The following ZFYVE9 variants were observed in gnomAD, a reference collection of about 807,000 sequenced individuals.
The protein encoded by ZFYVE9 is zinc finger FYVE domain-containing protein 9.
A neutral mutation model predicts 126.7 loss-of-function variants in ZFYVE9; 43 were observed. The observed-to-expected ratio is 0.34, with a 90% CI of 0.27 to 0.44. The LOEUF (loss-of-function observed/expected upper bound fraction) is 0.44, where lower values mean the gene tolerates loss of function less well. ZFYVE9 is among the 20% of genes least tolerant of loss of function. The pLI, the probability that ZFYVE9 is intolerant of heterozygous loss-of-function variation, is 1.00. For synonymous variants in ZFYVE9, 521 were observed against 597.4 expected (o/e 0.87, Z 1.87); for missense variants, 1,476 against 1,697.0 (o/e 0.87, Z 2.29).
intron 13 of ZFYVE9, among the ~76,000 whole-genome samples, chr1:52,313,813 A>G (rs186640230): frequency 7.2e-5 from 11 of 152,236 alleles, no homozygotes; most frequent in African/African-American, 2.2e-4. Flanking sequence ...TAAGAAATGT[A>G]GGTGGCAACG....
At chr1:52,177,547 AG>A (rs1156578701) in intron 1 of ZFYVE9, among the ~76,000 whole-genome samples, 1 of 152,236 alleles carries the variant, frequency 6.6e-6, no homozygotes, top group Non-Finnish European at 1.5e-5. Flanking sequence ...ATATAGAAAA[AG>A]GAATAAGACA....
At chr1:52,240,418 TGTC>T (rs916053537) in intron 4 of ZFYVE9, among the ~76,000 whole-genome samples, 6 of 152,200 alleles carry the variant, frequency 3.9e-5, no homozygotes, top group African/African-American at 1.4e-4. Flanking sequence ...ATTGGGCTGT[TGTC>T]AAGATTAAAT....
intron 7 of ZFYVE9, among the ~76,000 whole-genome samples, chr1:52,269,009 G>T (rs920538630): frequency 2.0e-5 from 3 of 152,132 alleles, no homozygotes; most frequent in Admixed American, 6.5e-5. Context: ...AAGGGCCTGA[G>T]GAGCTGAGTT....
chr1:52,180,301 C>T, intron 1 of ZFYVE9: 2 of 1,589,900 alleles, frequency 1.3e-6, no homozygotes, highest in Non-Finnish European at 1.7e-6. Context: ...ACCTGCATAC[C>T]CAGTTATCCT....
chr1:52,253,786 T>G, intron 4 of ZFYVE9: 1 of 1,605,434 alleles, frequency 6.2e-7, no homozygotes, highest in Non-Finnish European at 8.5e-7. Flanking sequence ...TTATTGGCAA[T>G]CAGATGGCTC....
chr1:52,168,385 T>G (rs1354718248), intron 1 of ZFYVE9, among the ~76,000 whole-genome samples: 1 of 151,906 alleles, frequency 6.6e-6, no homozygotes, highest in Non-Finnish European at 1.5e-5. Context: ...CCCGGCTAGA[T>G]TGTGTATTTT....
intron 4 of ZFYVE9, among the ~76,000 whole-genome samples, chr1:52,246,507 A>AT (rs918625347): frequency 8.7e-5 from 13 of 148,994 alleles, no homozygotes; most frequent in Non-Finnish European, 1.3e-4. Flanking sequence ...TTTCTTAAGG[A>AT]TTTTTTTTAT....
chr1:52,262,614 G>T (rs892485139), intron 4 of ZFYVE9, among the ~76,000 whole-genome samples: 1 of 152,090 alleles, frequency 6.6e-6, no homozygotes, highest in Non-Finnish European at 1.5e-5. Context: ...GGGAGATATC[G>T]AGCTTAACTT....
chr1:52,253,289 C>T (rs984947255), intron 4 of ZFYVE9, among the ~76,000 whole-genome samples: 1 of 152,156 alleles, frequency 6.6e-6, no homozygotes, highest in Non-Finnish European at 1.5e-5. Flanking sequence ...ACAGCATCTA[C>T]ATTAGTTTTT....
At chr1:52,267,579 T>G (rs963101982) in intron 6 of ZFYVE9, among the ~76,000 whole-genome samples, 4 of 152,142 alleles carry the variant, frequency 2.6e-5, no homozygotes, top group African/African-American at 9.7e-5. Flanking sequence ...TCCCTTCCCC[T>G]TGCTAAATAA....
intron 13 of ZFYVE9, among the ~76,000 whole-genome samples, chr1:52,309,411 C>G (rs113564798): frequency 6.6e-6 from 1 of 152,038 alleles, no homozygotes; most frequent in African/African-American, 2.4e-5. Context: ...CCCAGGAAGT[C>G]GAGACTGCAG....
chr1:52,322,377 C>CTTTTT (rs113375062), intron 13 of ZFYVE9, among the ~76,000 whole-genome samples: 154 of 119,388 alleles, frequency 1.3e-3, no homozygotes, highest in Middle Eastern at 4.3e-3. Context: ...GTGGTCTTTT[C>CTTTTT]TTTTTTTTTT....
intron 12 of ZFYVE9, among the ~76,000 whole-genome samples, chr1:52,297,633 T>G (rs1406893094): frequency 6.6e-6 from 1 of 152,192 alleles, no homozygotes; most frequent in Non-Finnish European, 1.5e-5. Context: ...GGTTGCTTTT[T>G]GAGGAGTGGG....
At chr1:52,255,918 C>CTTTTCTTTTCTTTTCTT (rs1557483970) in intron 4 of ZFYVE9, among the ~76,000 whole-genome samples, 2 of 81,488 alleles carry the variant, frequency 2.5e-5, no homozygotes, top group Non-Finnish European at 4.7e-5. Context: ...CTTTTCTTTT[C>CTTTTCTTTTCTTTTCTT]TTTTCTTTTC....
At chr1:52,225,006 C>G (rs747441620) in intron 2 of ZFYVE9, among the ~76,000 whole-genome samples, 52 of 152,130 alleles carry the variant, frequency 3.4e-4, no homozygotes, top group Non-Finnish European at 4.4e-4. Flanking sequence ...GAAAACTGCC[C>G]TAAGACCTAC....
At position 52,295,884 on chromosome 1, in the gene ZFYVE9, C is replaced by T; in HGVS notation, c.3251-11C>T. 1 of 1,609,050 alleles carries T rather than the reference C, an allele frequency of 6.2e-7. No homozygotes were observed. On this transcript the variant is annotated splice_polypyrimidine_tract_variant and intron_variant, in intron 11 of 18. Coordinates refer to ENST00000287727, the MANE Select transcript of ZFYVE9 (RefSeq NM_004799.4). The stretch of plus-strand genomic sequence containing the variant: ...GCCAAATTTAAGTTTGATCATTTCT[C>T]ATTTCCATAGTTTATCCATGCCCAC...
At chr1:52,255,984 CCT>C (rs1645513099) in intron 4 of ZFYVE9, among the ~76,000 whole-genome samples, 1 of 105,518 alleles carries the variant, frequency 9.5e-6, no homozygotes, top group African/African-American at 3.9e-5. Flanking sequence ...TTCTTTCTTT[CCT>C]TCCTTCCTTC....
At chr1:52,305,675 G>A (rs1272004096) in intron 13 of ZFYVE9, among the ~76,000 whole-genome samples, 2 of 152,044 alleles carry the variant, frequency 1.3e-5, no homozygotes, top group African/African-American at 4.8e-5. Flanking sequence ...CTGCAGACCT[G>A]GGCCTTCTGC....
At chr1:52,324,369 G>C (rs1646271384) in intron 13 of ZFYVE9, among the ~76,000 whole-genome samples, 1 of 152,146 alleles carries the variant, frequency 6.6e-6, no homozygotes. Context: ...TCTAGCCTCT[G>C]GACACTAGTG....
Sources: gnomAD v4.1 joint callset for allele counts (sites outside exome capture counted in the v4.1 genomes callset) on GRCh38, gnomAD v4.1.1 for gene constraint, MANE v1.5 for transcripts, NCBI Gene and HGNC (gene_info 2026-07-23, HGNC 2026-07-21) for gene names.